DOCK7: variants seen among roughly 807,000 people sequenced by gnomAD.
DOCK7 encodes dedicator of cytokinesis 7.
A neutral mutation model predicts 271.0 loss-of-function variants in DOCK7; 138 were observed. That is an observed-to-expected ratio of 0.51 (90% CI 0.44 to 0.59). DOCK7 has a LOEUF of 0.59. Ranked by LOEUF, DOCK7 falls within the 20% of genes least tolerant of loss-of-function variation. DOCK7 has a pLI of 0.00. For missense variants in DOCK7, 2,066 were observed against 2,592.4 expected (o/e 0.80, Z 4.41); for synonymous variants, 823 against 876.1 (o/e 0.94, Z 1.07).
At chr1:62,675,319 C>CT (rs1660428160) in intron 1 of DOCK7, among the ~76,000 whole-genome samples, 1 of 151,918 alleles carries the variant, frequency 6.6e-6, no homozygotes, top group African/African-American at 2.4e-5. Flanking sequence ...GGGAAGATAG[C>CT]TTGAGCCCAG....
Position 62,542,703 on chromosome 1 carries a change from G to A in DOCK7, c.2950C>T (p.Leu984Phe). The A allele has an allele frequency of 6.2e-7, 1 of 1,612,412 alleles. No individual in the cohort carries two copies. Among genetic ancestry groups the A allele is most frequent in the East Asian group, 2.2e-5 (1 of 44,830 alleles). Residue 984 changes from leucine to phenylalanine, a missense_variant and splice_region_variant, in exon 25 of 50, where the codon CTT (leucine) becomes TTT (phenylalanine). Leu to Phe is a conservative substitution (Grantham distance 22, BLOSUM62 0). Transcript: ENST00000635253. ...TGCAAAGCCAGCTCCTCGTGAAAAAGCTATCCAGAAGTAAATCCAAAGTTA... is the reference window on the plus strand; with the variant it reads ...TGCAAAGCCAGCTCCTCGTGAAAAAACTATCCAGAAGTAAATCCAAAGTTA... ...TLTGRLPTKK[L>F]FHEELALQWV...
chr1:62,477,607 G>T (rs1357804594), intron 44 of DOCK7, 93 bp downstream of exon 44: 4 of 1,346,390 alleles, frequency 3.0e-6, no homozygotes, highest in African/African-American at 1.5e-5. Flanking sequence ...GCAAGATCTG[G>T]CTTACTAAAT....
rs1571858378 is a variant in DOCK7 at position 62,636,739 on chromosome 1, C to T, written c.819-136G>A. The T allele has an allele frequency of 1.4e-5, 9 of 651,572 alleles. No homozygotes were observed. In the East Asian group the frequency reaches 2.6e-4, roughly 19 times the overall value. 40.4% of individuals were successfully genotyped at this position (651,572 alleles called of 1,614,324 possible). The stretch of plus-strand genomic sequence containing the variant: ...TGTGCCTTTGCCTATATTAAAACTT[C>T]TTCTTGAAATACACTCTTCTATGCA... On this transcript the variant is annotated intron_variant, in intron 7 of 49. Transcript: ENST00000635253.
At chr1:62,521,127 A>C (rs1644836858) in intron 31 of DOCK7, among the ~76,000 whole-genome samples, 1 of 152,102 alleles carries the variant, frequency 6.6e-6, no homozygotes, top group African/African-American at 2.4e-5. Context: ...GGGGAGGGAC[A>C]GCATTAGGAG....
chr1:62,542,838 T>C (rs1485106575), intron 24 of DOCK7, 135 bp from the exon 25 acceptor site: 1 of 653,872 alleles, frequency 1.5e-6, no homozygotes, highest in South Asian at 2.4e-5. Flanking sequence ...AATGATGCAC[T>C]GAAGACACCC....
At chr1:62,682,541 G>A (rs1309553834) in intron 1 of DOCK7, among the ~76,000 whole-genome samples, 2 of 152,084 alleles carry the variant, frequency 1.3e-5, no homozygotes, top group Non-Finnish European at 2.9e-5. Context: ...CATAAGAAAT[G>A]TAACTTTTTA....
intron 18 of DOCK7, among the ~76,000 whole-genome samples, chr1:62,569,720 C>T (rs1355815160): frequency 1.4e-5 from 2 of 139,186 alleles, no homozygotes; most frequent in African/African-American, 5.4e-5. Flanking sequence ...CCTCCCCCCC[C>T]CCTTTTTTTT....
At position 62,681,563 on chromosome 1, in the gene DOCK7, C is replaced by CA. The variant is rs1352950207; in HGVS notation, c.38+6663dup. On this transcript the variant is annotated intron_variant, in intron 1 of 49. Transcript: ENST00000635253. ...AAATAAAAAAAATAAAATAAAAATA[C>CA]AAAAAAAAAAAGATTGCCATCTATG... 4.2e-3 allele frequency among the ~76,000 whole-genome samples: 577 copies of CA among 136,674 alleles called. 2 individuals carry two copies. The highest frequency in any genetic ancestry group is 0.012 in the African/African-American group (458 of 37,606). 89.7% of individuals were successfully genotyped at this position (136,674 alleles called of 152,430 possible).
intron 34 of DOCK7, among the ~76,000 whole-genome samples, chr1:62,509,681 A>T (rs1449022305): frequency 6.6e-6 from 1 of 152,184 alleles, no homozygotes; most frequent in Non-Finnish European, 1.5e-5. Context: ...TACATTCAAT[A>T]TCTGATTATT....
At chr1:62,517,231 T>C (rs1307129167) in intron 31 of DOCK7, among the ~76,000 whole-genome samples, 1 of 152,228 alleles carries the variant, frequency 6.6e-6, no homozygotes, top group African/African-American at 2.4e-5. Flanking sequence ...CATTATGGCA[T>C]GTTCCCCTAA....
At chr1:62,616,831 T>C (rs886766449) in intron 14 of DOCK7, among the ~76,000 whole-genome samples, 1 of 151,600 alleles carries the variant, frequency 6.6e-6, no homozygotes, top group Non-Finnish European at 1.5e-5. Context: ...CGCAAAAGAT[T>C]AGCAATCAGT....
chr1:62,535,126 G>A (rs1645299639), intron 29 of DOCK7, among the ~76,000 whole-genome samples: 1 of 151,842 alleles, frequency 6.6e-6, no homozygotes, highest in South Asian at 2.1e-4. Flanking sequence ...TTCCTGACAA[G>A]GAATCAAATA....
intron 8 of DOCK7, chr1:62,635,734 C>A (rs950961581): frequency 6.6e-6 from 1 of 152,110 alleles, no homozygotes; most frequent in East Asian, 1.9e-4. Context: ...ACTGAAGGCA[C>A]TTCAAGTTTC....
At chr1:62,565,866 T>C (rs1275162657) in intron 18 of DOCK7, among the ~76,000 whole-genome samples, 2 of 152,178 alleles carry the variant, frequency 1.3e-5, no homozygotes, top group Admixed American at 6.5e-5. Context: ...AGTCTCAGGA[T>C]ACAAAATCAA....
At chr1:62,503,862 A>G (rs1557636665) in intron 37 of DOCK7, among the ~76,000 whole-genome samples, 1 of 152,202 alleles carries the variant, frequency 6.6e-6, no homozygotes, top group Admixed American at 6.5e-5. Context: ...CCTGGCTAAC[A>G]TGGTGAAACC....
At chr1:62,513,115 T>A (rs1042098392) in intron 33 of DOCK7, among the ~76,000 whole-genome samples, 6 of 151,982 alleles carry the variant, frequency 3.9e-5, no homozygotes, top group African/African-American at 1.5e-4. Flanking sequence ...TGCTGTGAAC[T>A]TAAAACTGCT....
At chr1:62,518,001 C>T (rs1303435772) in intron 31 of DOCK7, among the ~76,000 whole-genome samples, 2 of 152,168 alleles carry the variant, frequency 1.3e-5, no homozygotes, top group Admixed American at 6.5e-5. Flanking sequence ...ACTGCTATGA[C>T]ATTACAGACT....
chr1:62,506,610 A>G (rs1370019005), intron 35 of DOCK7, among the ~76,000 whole-genome samples: 1 of 151,856 alleles, frequency 6.6e-6, no homozygotes, highest in African/African-American at 2.4e-5. Flanking sequence ...AGCTAGGATT[A>G]CAGGTGTGCG....
intron 14 of DOCK7, among the ~76,000 whole-genome samples, chr1:62,589,881 A>T (rs1648179938): frequency 8.2e-6 from 1 of 121,678 alleles, no homozygotes; most frequent in Middle Eastern, 3.9e-3. Context: ...GACTCCATCT[A>T]AAAAAAAAAA....
Sources: gnomAD v4.1 joint callset for allele counts (sites outside exome capture counted in the v4.1 genomes callset) on GRCh38, gnomAD v4.1.1 for gene constraint, MANE v1.5 for transcripts, NCBI Gene and HGNC (gene_info 2026-07-23, HGNC 2026-07-21) for gene names.